The following CERS6 variants were observed in gnomAD, a reference collection of about 807,000 sequenced individuals.
CERS6 encodes the protein LAG1 homolog, ceramide synthase 6.
A neutral mutation model predicts 56.8 loss-of-function variants in CERS6; 26 were observed. The ratio of observed to expected loss-of-function variants is 0.46; its 90% CI spans 0.34 to 0.63. CERS6 has a LOEUF of 0.63. Ranked by LOEUF, CERS6 falls within the 30% of genes least tolerant of loss-of-function variation. The pLI is 0.01. For missense variants in CERS6, 415 were observed against 467.5 expected, an observed-to-expected ratio of 0.89 and a Z score of 1.04; for synonymous variants, 164 against 173.3, an observed-to-expected ratio of 0.95 and a Z score of 0.42.
intron 3 of CERS6, among the ~76,000 whole-genome samples, chr2:168,627,341 T>C (rs2105291611): frequency 6.6e-6 from 1 of 152,348 alleles, no homozygotes; most frequent in East Asian, 1.9e-4. Context: ...TTATTTTTTG[T>C]TTGTATATTG....
At chr2:168,622,656 C>T (rs1433220105) in intron 3 of CERS6, among the ~76,000 whole-genome samples, 1 of 152,194 alleles carries the variant, frequency 6.6e-6, no homozygotes, top group African/African-American at 2.4e-5. Flanking sequence ...GTTTGACTTA[C>T]CTCCAACCTC....
chr2:168,620,760 CT>C (rs112105394), intron 3 of CERS6, among the ~76,000 whole-genome samples: 42,106 of 130,648 alleles, frequency 0.32, 6,784 homozygotes, highest in South Asian at 0.44. Flanking sequence ...GGAAATTCAC[CT>C]TTTTTTTTTT....
At chr2:168,561,101 A>G (rs532879010) in intron 2 of CERS6, 91 bp from the exon 3 acceptor site, 20 of 1,416,016 alleles carry the variant, frequency 1.4e-5, no homozygotes, top group African/African-American at 1.0e-4. Context: ...ATAGGGGGAA[A>G]AAAACCTCTC....
chr2:168,753,851 C>G (rs1390244246), intron 8 of CERS6, among the ~76,000 whole-genome samples: 2 of 152,324 alleles, frequency 1.3e-5, no homozygotes, highest in South Asian at 2.1e-4. Context: ...CTCACACACA[C>G]AGCTAGCTAG....
chr2:168,507,762 C>T (rs1051262800), intron 1 of CERS6, among the ~76,000 whole-genome samples: 3 of 152,148 alleles, frequency 2.0e-5, no homozygotes, highest in African/African-American at 7.2e-5. Context: ...ATGATGCTTT[C>T]TACTATTTTC....
intron 3 of CERS6, 63 bp downstream of exon 3, chr2:168,561,385 A>C (rs775742017): frequency 6.3e-7 from 1 of 1,594,500 alleles, no homozygotes. Flanking sequence ...CCTGAGGTGA[A>C]AAATAAAAGA....
At chr2:168,766,113 A>G (rs1277038245) in intron 9 of CERS6, among the ~76,000 whole-genome samples, 2 of 152,120 alleles carry the variant, frequency 1.3e-5, no homozygotes, top group Non-Finnish European at 2.9e-5. Flanking sequence ...GTTTAAACAA[A>G]CCTTTCTTTC....
intron 8 of CERS6, among the ~76,000 whole-genome samples, chr2:168,744,858 T>C (rs568354835): frequency 1.5e-4 from 23 of 152,184 alleles, no homozygotes; most frequent in Non-Finnish European, 3.2e-4. Flanking sequence ...GGGGAAAAGC[T>C]TACAGAAGTG....
intron 3 of CERS6, among the ~76,000 whole-genome samples, chr2:168,604,658 C>G (rs76759105): frequency 0.019 from 2,863 of 152,224 alleles, 129 homozygotes; most frequent in East Asian, 0.18. Flanking sequence ...CTCATGAGAT[C>G]TGGTTGTTTA....
chr2:168,593,200 T>C (rs879208038), intron 3 of CERS6, among the ~76,000 whole-genome samples: 1 of 152,226 alleles, frequency 6.6e-6, no homozygotes, highest in Non-Finnish European at 1.5e-5. Context: ...ATCGGGATAA[T>C]ATCACATCTC....
intron 3 of CERS6, among the ~76,000 whole-genome samples, chr2:168,595,229 A>G (rs1022100710): frequency 6.6e-6 from 1 of 152,252 alleles, no homozygotes; most frequent in African/African-American, 2.4e-5. Context: ...TAAGAGGACA[A>G]GGAGCACATG....
At chr2:168,742,023 G>A (rs1022149180) in intron 8 of CERS6, among the ~76,000 whole-genome samples, 1 of 152,208 alleles carries the variant, frequency 6.6e-6, no homozygotes, top group African/African-American at 2.4e-5. Context: ...GAGCTTTGAC[G>A]TGACTATTGT....
At chr2:168,509,806 A>G (rs1048415776) in intron 1 of CERS6, among the ~76,000 whole-genome samples, 1 of 152,156 alleles carries the variant, frequency 6.6e-6, no homozygotes, top group Non-Finnish European at 1.5e-5. Context: ...CACGCCTGTA[A>G]TCCCAGCACT....
At chr2:168,510,399 G>A (rs912081396) in intron 1 of CERS6, among the ~76,000 whole-genome samples, 6 of 152,040 alleles carry the variant, frequency 3.9e-5, no homozygotes, top group East Asian at 1.9e-4. Context: ...TTCTATATTC[G>A]GATGTGTTTA....
At chr2:168,705,018 G>T (rs1186378134) in intron 6 of CERS6, among the ~76,000 whole-genome samples, 5 of 152,124 alleles carry the variant, frequency 3.3e-5, no homozygotes, top group African/African-American at 1.2e-4. Context: ...TCCTTCCTCA[G>T]AGTCATTTTC....
At chr2:168,622,078 TA>T (rs1684484977) in intron 3 of CERS6, among the ~76,000 whole-genome samples, 1 of 152,086 alleles carries the variant, frequency 6.6e-6, no homozygotes, top group Non-Finnish European at 1.5e-5. Context: ...ACTAATACAA[TA>T]AAAACCCACC....
chr2:168,725,364 G>A (rs566288164), intron 8 of CERS6, among the ~76,000 whole-genome samples: 37 of 152,390 alleles, frequency 2.4e-4, no homozygotes, highest in African/African-American at 7.9e-4. Context: ...GTGGTGGGCT[G>A]AAGGGCTCCT....
intron 1 of CERS6, among the ~76,000 whole-genome samples, chr2:168,537,434 T>C (rs138699206): frequency 1.3e-5 from 2 of 152,344 alleles, no homozygotes; most frequent in East Asian, 3.9e-4. Flanking sequence ...AATTTACTTT[T>C]CTTATTTTAG....
intron 4 of CERS6, among the ~76,000 whole-genome samples, chr2:168,667,147 A>G (rs1448026454): frequency 6.6e-6 from 1 of 152,216 alleles, no homozygotes; most frequent in African/African-American, 2.4e-5. Flanking sequence ...GCAAAGCAAT[A>G]TATTTCGGAT....
Sources: gnomAD v4.1 joint callset for allele counts (sites outside exome capture counted in the v4.1 genomes callset) on GRCh38, gnomAD v4.1.1 for gene constraint, MANE v1.5 for transcripts, NCBI Gene and HGNC (gene_info 2026-07-23, HGNC 2026-07-21) for gene names.